Variants in SHOC2 observed in about 807,000 individuals in gnomAD.
The protein encoded by SHOC2 is leucine-rich repeat protein SHOC-2.
In SHOC2, 4 loss-of-function variants were observed where a neutral mutation model predicts 50.2. The ratio of observed to expected loss-of-function variants is 0.08; its 90% CI spans 0.04 to 0.18. SHOC2 has a LOEUF of 0.18. Among genes scored for constraint, SHOC2 ranks in the 10% least tolerant of loss-of-function variants. SHOC2 has a pLI of 1.00. For synonymous variants in SHOC2, 218 were observed against 244.5 expected (o/e 0.89, Z 1.01); for missense variants, 388 against 669.6 (o/e 0.58, Z 4.64).
At chr10:110,972,283 T>A (rs1408580603) in intron 2 of SHOC2, among the ~76,000 whole-genome samples, 1 of 152,098 alleles carries the variant, frequency 6.6e-6, no homozygotes, top group Non-Finnish European at 1.5e-5. Context: ...TCACTAAAAT[T>A]CTTGAAATTC....
chr10:110,928,872 G>A (rs1033815844), intron 1 of SHOC2, among the ~76,000 whole-genome samples: 6 of 152,150 alleles, frequency 3.9e-5, no homozygotes, highest in Non-Finnish European at 7.3e-5. Flanking sequence ...TCCAGCCTGG[G>A]GAACACATCC....
In SHOC2 at chr10:110,920,517, T is replaced by C. The variant is rs1186467; in HGVS notation, c.-235+860T>C. On this transcript the variant is annotated intron_variant, in intron 1 of 8. Coordinates refer to ENST00000369452, the MANE Select transcript of SHOC2 (RefSeq NM_007373.4). ...CAAAGCATTAACTTGCCTTTCTCTTTATTTCTTTTCTTTCTTTTTCTTTTC... is the reference window on the plus strand; with the variant it reads ...CAAAGCATTAACTTGCCTTTCTCTTCATTTCTTTTCTTTCTTTTTCTTTTC... 2.0e-5 allele frequency among the ~76,000 whole-genome samples: 3 copies of C among 152,200 alleles called. No individual in the cohort carries two copies. In the East Asian group the frequency reaches 5.8e-4, roughly 29 times the overall value.
At chr10:110,923,008 C>CT (rs1470408087) in intron 1 of SHOC2, among the ~76,000 whole-genome samples, 9 of 151,982 alleles carry the variant, frequency 5.9e-5, no homozygotes, top group African/African-American at 2.2e-4. Flanking sequence ...ATGTGTTGTG[C>CT]ATTAGACATA....
At chr10:111,009,993 G>A (rs890467485) in intron 8 of SHOC2, among the ~76,000 whole-genome samples, 163 bp downstream of exon 8, 1 of 151,954 alleles carries the variant, frequency 6.6e-6, no homozygotes, top group Non-Finnish European at 1.5e-5. Context: ...TTGTTGATTG[G>A]TTTTGGTTAG....
At chr10:111,010,585 G>A (rs371484588) in intron 8 of SHOC2, among the ~76,000 whole-genome samples, 6 of 152,232 alleles carry the variant, frequency 3.9e-5, no homozygotes, top group Admixed American at 1.3e-4. Context: ...TAATGTAAAT[G>A]ACTAGTTAAC....
At chr10:110,955,372 G>A (rs1406969791) in intron 1 of SHOC2, among the ~76,000 whole-genome samples, 1 of 152,172 alleles carries the variant, frequency 6.6e-6, no homozygotes, top group Non-Finnish European at 1.5e-5. Flanking sequence ...AGTTTCTTAA[G>A]TTTCTTGCTT....
intron 1 of SHOC2, among the ~76,000 whole-genome samples, chr10:110,956,793 T>C (rs1847472200): frequency 2.0e-5 from 3 of 152,126 alleles, no homozygotes; most frequent in Non-Finnish European, 2.9e-5. Flanking sequence ...AAATAAATGA[T>C]TGGGCCCTAG....
At chr10:110,925,809 A>G (rs1462157204) in intron 1 of SHOC2, among the ~76,000 whole-genome samples, 1 of 152,142 alleles carries the variant, frequency 6.6e-6, no homozygotes, top group East Asian at 1.9e-4. Context: ...GTGAGGCCTA[A>G]TTTTGATATC....
chr10:110,990,705 A>G (rs575235276), intron 3 of SHOC2, among the ~76,000 whole-genome samples: 2 of 152,206 alleles, frequency 1.3e-5, no homozygotes, highest in Admixed American at 6.5e-5. Flanking sequence ...CACACTGTGG[A>G]AGCTTTGTTC....
chr10:110,945,940 C>T (rs148370784), intron 1 of SHOC2, among the ~76,000 whole-genome samples: 94 of 152,256 alleles, frequency 6.2e-4, no homozygotes, highest in African/African-American at 2.2e-3. Context: ...AGCATACCCA[C>T]CCTATCCCAA....
At chr10:110,939,998 G>C (rs1177579619) in intron 1 of SHOC2, among the ~76,000 whole-genome samples, 1 of 152,136 alleles carries the variant, frequency 6.6e-6, no homozygotes, top group East Asian at 1.9e-4. Flanking sequence ...CTTTTCAGAA[G>C]ATACCATTCT....
At chr10:110,924,894 AC>A (rs1355278270) in intron 1 of SHOC2, among the ~76,000 whole-genome samples, 2 of 151,662 alleles carry the variant, frequency 1.3e-5, no homozygotes, top group African/African-American at 4.8e-5. Flanking sequence ...ATGTAGCGAA[AC>A]CCCGTCTCTA....
chr10:110,980,772 G>A (rs1429034288), intron 2 of SHOC2, among the ~76,000 whole-genome samples: 1 of 151,758 alleles, frequency 6.6e-6, no homozygotes. Context: ...CCAATCCCCT[G>A]GGTCTCAGTT....
intron 2 of SHOC2, among the ~76,000 whole-genome samples, chr10:110,981,988 G>A (rs1408920310): frequency 3.0e-5 from 4 of 131,276 alleles, no homozygotes; most frequent in East Asian, 4.7e-4. Flanking sequence ...TATATCTCCC[G>A]ATGCTATCCC....
chr10:110,987,988 A>T (rs758344116), intron 3 of SHOC2, among the ~76,000 whole-genome samples: 4 of 152,150 alleles, frequency 2.6e-5, no homozygotes, highest in Non-Finnish European at 5.9e-5. Flanking sequence ...GGCAGATAGG[A>T]CTAGACGTTC....
chr10:110,982,689 T>A (rs1224621845), intron 2 of SHOC2, among the ~76,000 whole-genome samples: 1 of 152,170 alleles, frequency 6.6e-6, no homozygotes, highest in Non-Finnish European at 1.5e-5. Flanking sequence ...CTTTGCCCAC[T>A]TTTTGATGGG....
intron 1 of SHOC2, among the ~76,000 whole-genome samples, chr10:110,932,700 AGG>A (rs1846918300): frequency 6.6e-6 from 1 of 152,130 alleles, no homozygotes; most frequent in Admixed American, 6.5e-5. Flanking sequence ...AGGCTAATTC[AGG>A]TGCCTTCCCT....
chr10:110,930,735 C>CTTTTTTTTTTTTTTTTTTT (rs772553111), intron 1 of SHOC2, among the ~76,000 whole-genome samples: 4 of 96,804 alleles, frequency 4.1e-5, no homozygotes, highest in Non-Finnish European at 8.4e-5. Context: ...ACGAGTAAAT[C>CTTTTTTTTTTTTTTTTTTT]TTTTTTTTTT....
intron 4 of SHOC2, 129 bp from the exon 5 acceptor site, chr10:111,004,477 G>GCC (rs1228369984): frequency 2.9e-6 from 2 of 694,934 alleles, no homozygotes; most frequent in Non-Finnish European, 5.1e-6. Flanking sequence ...GTCACAGACT[G>GCC]CCCCAACCAG....
Sources: gnomAD v4.1 joint callset for allele counts (sites outside exome capture counted in the v4.1 genomes callset) on GRCh38, gnomAD v4.1.1 for gene constraint, MANE v1.5 for transcripts, NCBI Gene and HGNC (gene_info 2026-07-23, HGNC 2026-07-21) for gene names.